Variants in TFDP2 observed in about 807,000 individuals in gnomAD.
TFDP2 encodes the protein transcription factor Dp-2 (E2F dimerization partner 2).
A neutral mutation model predicts 59.3 loss-of-function variants in TFDP2; 17 were observed. The ratio of observed to expected loss-of-function variants is 0.29; its 90% confidence interval spans 0.20 to 0.43. The LOEUF (loss-of-function observed/expected upper bound fraction) is 0.43. Among genes scored for constraint, TFDP2 ranks in the 20% least tolerant of loss-of-function variants. TFDP2 has a pLI of 1.00. For synonymous variants in TFDP2, 180 were observed against 194.7 expected, an observed-to-expected ratio of 0.92 and a Z score of 0.63; for missense variants, 391 against 528.8, an observed-to-expected ratio of 0.74 and a Z score of 2.56.
At chr3:142,018,520 T>C (rs976012914) in intron 3 of TFDP2, among the ~76,000 whole-genome samples, 5 of 152,080 alleles carry the variant, frequency 3.3e-5, no homozygotes, top group Non-Finnish European at 7.4e-5. Flanking sequence ...TGGACTGCAG[T>C]GGAACAATCA....
intron 4 of TFDP2, 76 bp downstream of exon 4, chr3:142,005,365 A>G: frequency 8.2e-7 from 1 of 1,217,356 alleles, no homozygotes; most frequent in South Asian, 1.3e-5. Flanking sequence ...CTGATCAAAT[A>G]TATTTAATGC....
chr3:141,997,849 CAAAA>C (rs3058569), intron 4 of TFDP2, among the ~76,000 whole-genome samples: 1 of 84,020 alleles, frequency 1.2e-5, no homozygotes, highest in Non-Finnish European at 2.2e-5. Flanking sequence ...GACTCCATCT[CAAAA>C]AAAAAAAAAA....
intron 3 of TFDP2, chr3:142,090,885 T>TC (rs1395808992): frequency 6.6e-6 from 1 of 152,254 alleles, no homozygotes; most frequent in Non-Finnish European, 1.5e-5. Flanking sequence ...ATGTCACTTT[T>TC]CCCCTTTATG....
chr3:142,100,501 TA>T (rs2061287440), intron 2 of TFDP2, among the ~76,000 whole-genome samples: 1 of 152,090 alleles, frequency 6.6e-6, no homozygotes, highest in Non-Finnish European at 1.5e-5. Context: ...GCCTCCCGAG[TA>T]GCTGGAATTA....
At chr3:142,044,953 TATA>T (rs1181278271) in intron 3 of TFDP2, among the ~76,000 whole-genome samples, 2 of 152,168 alleles carry the variant, frequency 1.3e-5, no homozygotes, top group African/African-American at 4.8e-5. Context: ...TTATTATTAT[TATA>T]ATTGCTGACA....
At chr3:142,108,404 T>A (rs2061548768) in intron 1 of TFDP2, among the ~76,000 whole-genome samples, 1 of 152,036 alleles carries the variant, frequency 6.6e-6, no homozygotes, top group Non-Finnish European at 1.5e-5. Context: ...GAGACGGGGT[T>A]TCACCATGTT....
intron 1 of TFDP2, among the ~76,000 whole-genome samples, chr3:142,106,080 A>G (rs910814238): frequency 1.3e-5 from 2 of 148,332 alleles, no homozygotes; most frequent in Non-Finnish European, 3.0e-5. Context: ...CATAAACCCA[A>G]TTTCAAAATA....
chr3:142,097,119 C>T (rs921217203), intron 2 of TFDP2, among the ~76,000 whole-genome samples: 3 of 152,020 alleles, frequency 2.0e-5, no homozygotes, highest in African/African-American at 7.2e-5. Context: ...CCATTTTTTG[C>T]TGATTAAATT....
intron 6 of TFDP2, among the ~76,000 whole-genome samples, chr3:141,988,669 CTTT>C (rs540352017): frequency 8.0e-5 from 10 of 125,694 alleles, no homozygotes; most frequent in Non-Finnish European, 1.3e-4. Flanking sequence ...CTTTTCTTTT[CTTT>C]TTTTTTTTTT....
chr3:141,946,507 T>TG lies in TFDP2; in HGVS notation c.*6005dup, dbSNP rs951917766. 1.3e-5 allele frequency: 2 copies of TG among 152,222 alleles called. No homozygotes were observed. The highest frequency in any genetic ancestry group is 4.8e-5 in the African/African-American group (2 of 41,444). The allele number at this position is 152,222 out of a possible 1,614,324, so 9.4% of individuals were successfully genotyped here. On this transcript the variant is annotated 3_prime_UTR_variant, in exon 13 of 13. Transcript: ENST00000489671. ...CTATCTCAGCACCCTGGTGAATGGG[T>TG]GTCAGAGAAGTTTCTGGACCTGTCA...
At chr3:141,953,126 A>G in intron 11 of TFDP2, 110 bp from the exon 12 acceptor site, 1 of 671,356 alleles carries the variant, frequency 1.5e-6, no homozygotes, top group African/African-American at 1.8e-5. Flanking sequence ...ATTCTTCATG[A>G]CAGCTAGACA....
intron 3 of TFDP2, among the ~76,000 whole-genome samples, chr3:142,069,090 A>G (rs1018059943): frequency 5.3e-5 from 8 of 151,640 alleles, no homozygotes; most frequent in African/African-American, 1.9e-4. Flanking sequence ...TAATTTTTGT[A>G]TTTTTAGTAG....
intron 3 of TFDP2, among the ~76,000 whole-genome samples, chr3:142,014,627 T>G (rs1193318163): frequency 6.6e-6 from 1 of 152,184 alleles, no homozygotes; most frequent in Non-Finnish European, 1.5e-5. Flanking sequence ...ACCATCTTCT[T>G]GCTTTTCTTC....
rs186257336 is a variant in TFDP2, at chr3:141,975,647, T to C, written c.520-1456A>G. ...AGATGGAGGTTGCAGTGAGCCAAGATTGAGCCACTGCACTCCAGTCTGGGT... is the reference window on the plus strand; with the variant it reads ...AGATGGAGGTTGCAGTGAGCCAAGACTGAGCCACTGCACTCCAGTCTGGGT... On this transcript the variant is annotated intron_variant, in intron 7 of 12. Transcript: ENST00000489671. 4.1e-3 allele frequency among the ~76,000 whole-genome samples: 621 copies of C among 150,396 alleles called. 1 individual carries two copies. The highest frequency in any genetic ancestry group is 6.3e-3 in the Non-Finnish European group (425 of 67,734).
At chr3:142,003,412 G>A (rs1298866116) in intron 4 of TFDP2, among the ~76,000 whole-genome samples, 1 of 152,124 alleles carries the variant, frequency 6.6e-6, no homozygotes, top group Non-Finnish European at 1.5e-5. Flanking sequence ...TTACAGGCGT[G>A]AGACACCACA....
chr3:141,978,601 T>C lies in TFDP2; in HGVS notation c.438A>G (p.Lys146=). Reference sequence around the variant, plus strand: ...CGACTTCATTGTACGATGTTGTACCTTTTCGTTGAACTTTCTCACACACTT... The same window carrying C: ...CGACTTCATTGTACGATGTTGTACCCTTTCGTTGAACTTTCTCACACACTT... The part of the protein sequence containing the change: ...SMKVCEKVQR[K]GTTSYNEVAD... Residue 146 remains lysine (K), a synonymous_variant, in exon 7 of 13, where the codon AAA becomes AAG. Coordinates refer to ENST00000489671, the MANE Select transcript of TFDP2 (RefSeq NM_001178139.2). 2 of 1,613,656 alleles carry C rather than the reference T, an allele frequency of 1.2e-6. No individual in the cohort carries two copies. Among genetic ancestry groups the C allele is most frequent in the African/African-American group, 2.7e-5 (2 of 75,040 alleles).
At chr3:142,056,160 G>C (rs183302431) in intron 3 of TFDP2, among the ~76,000 whole-genome samples, 1 of 151,516 alleles carries the variant, frequency 6.6e-6, no homozygotes, top group African/African-American at 2.4e-5. Context: ...CACCATGTTG[G>C]TCAGGCTGGT....
At chr3:141,997,214 G>A (rs1338282230) in intron 4 of TFDP2, among the ~76,000 whole-genome samples, 1 of 152,000 alleles carries the variant, frequency 6.6e-6, no homozygotes, top group Non-Finnish European at 1.5e-5. Context: ...TTTACTAACT[G>A]GGATAAAATA....
chr3:142,013,724 T>A (rs1944899963), intron 3 of TFDP2, among the ~76,000 whole-genome samples: 1 of 152,162 alleles, frequency 6.6e-6, no homozygotes, highest in African/African-American at 2.4e-5. Context: ...ATTTATTGAG[T>A]AACTGAAATA....
Sources: gnomAD v4.1 joint callset for allele counts (sites outside exome capture counted in the v4.1 genomes callset) on GRCh38, gnomAD v4.1.1 for gene constraint, MANE v1.5 for transcripts, NCBI Gene and HGNC (gene_info 2026-07-23, HGNC 2026-07-21) for gene names.